Variants in ADGRL3 observed in about 807,000 individuals in gnomAD.
The protein encoded by ADGRL3 is calcium-independent alpha-latrotoxin receptor 3.
In ADGRL3, 62 loss-of-function variants were observed where a neutral mutation model predicts 153.5. The ratio of observed to expected loss-of-function variants is 0.40; its 90% CI spans 0.33 to 0.50. The LOEUF (loss-of-function observed/expected upper bound fraction) is 0.50, where lower values mean the gene tolerates loss of function less well. ADGRL3 is among the 20% of genes least tolerant of loss of function. The probability of loss-of-function intolerance (pLI) is 0.47; values close to 1 mark genes in which losing one functional copy is unlikely to be tolerated. For synonymous variants in ADGRL3, 710 were observed against 672.5 expected (o/e 1.06, Z -0.86); for missense variants, 1,641 against 1,859.4 (o/e 0.88, Z 2.16).
chr4:61,936,783 C>CACACACACAT (rs1174980370), intron 15 of ADGRL3, among the ~76,000 whole-genome samples: 1 of 134,534 alleles, frequency 7.4e-6, no homozygotes, highest in African/African-American at 2.6e-5. Flanking sequence ...CATATGCATA[C>CACACACACAT]ACACACACAC....
chr4:61,742,275 C>T (rs116822148), intron 8 of ADGRL3, among the ~76,000 whole-genome samples: 1 of 151,826 alleles, frequency 6.6e-6, no homozygotes, highest in Non-Finnish European at 1.5e-5. Flanking sequence ...TACTCTTCTT[C>T]TTCTTATTAT....
intron 17 of ADGRL3, among the ~76,000 whole-genome samples, chr4:61,955,581 T>C (rs1034222025): frequency 2.0e-4 from 31 of 152,094 alleles, no homozygotes; most frequent in African/African-American, 7.5e-4. Context: ...TATTATTTAT[T>C]TTACTTTAAG....
intron 1 of ADGRL3, among the ~76,000 whole-genome samples, chr4:61,285,581 A>C (rs977228269): frequency 4.0e-5 from 6 of 151,832 alleles, no homozygotes; most frequent in African/African-American, 1.4e-4. Context: ...GCGATTCAAG[A>C]CAGTTAGGCA....
chr4:61,448,981 T>C (rs1053799528), intron 2 of ADGRL3, among the ~76,000 whole-genome samples: 5 of 152,100 alleles, frequency 3.3e-5, no homozygotes, highest in East Asian at 1.9e-4. Flanking sequence ...TGTGGAGATA[T>C]ATGTTTCCTC....
intron 2 of ADGRL3, among the ~76,000 whole-genome samples, chr4:61,458,286 T>C (rs886784204): frequency 1.3e-5 from 2 of 151,430 alleles, no homozygotes; most frequent in Admixed American, 1.3e-4. Flanking sequence ...TTATTTCACC[T>C]ATAATTTATG....
At chr4:61,493,691 T>C (rs1198560090) in intron 2 of ADGRL3, among the ~76,000 whole-genome samples, 2 of 152,196 alleles carry the variant, frequency 1.3e-5, no homozygotes, top group Non-Finnish European at 2.9e-5. Flanking sequence ...GCCTGCCTCA[T>C]GTATCCATGC....
At chr4:61,453,117 G>A (rs182497165) in intron 2 of ADGRL3, among the ~76,000 whole-genome samples, 1 of 152,222 alleles carries the variant, frequency 6.6e-6, no homozygotes, top group African/African-American at 2.4e-5. Context: ...CCTGAAGGTT[G>A]AATGTGAAAC....
At chr4:61,950,662 G>A (rs2098943594) in intron 17 of ADGRL3, among the ~76,000 whole-genome samples, 2 of 152,222 alleles carry the variant, frequency 1.3e-5, no homozygotes, top group Non-Finnish European at 2.9e-5. Flanking sequence ...AGAACAAAAA[G>A]AGGGTTGGAG....
intron 17 of ADGRL3, among the ~76,000 whole-genome samples, chr4:61,969,936 C>A (rs1265713433): frequency 1.3e-5 from 2 of 152,170 alleles, no homozygotes; most frequent in African/African-American, 4.8e-5. Context: ...CTGCATCCAT[C>A]TCTGAAATCT....
At chr4:61,264,141 C>T (rs1258533136) in intron 1 of ADGRL3, among the ~76,000 whole-genome samples, 1 of 151,956 alleles carries the variant, frequency 6.6e-6, no homozygotes, top group African/African-American at 2.4e-5. Context: ...AGCCTAATAA[C>T]AAGTATTGCT....
chr4:61,346,781 CAAA>C (rs748059859), intron 1 of ADGRL3, among the ~76,000 whole-genome samples: 9 of 44,744 alleles, frequency 2.0e-4, no homozygotes, highest in Admixed American at 2.4e-4. Flanking sequence ...AGACCTGTCT[CAAA>C]AAAAAAAAAA....
intron 5 of ADGRL3, among the ~76,000 whole-genome samples, chr4:61,622,893 A>C (rs551113337): frequency 6.6e-6 from 1 of 152,278 alleles, no homozygotes; most frequent in African/African-American, 2.4e-5. Context: ...TCATATCATA[A>C]AGAAACTATT....
chr4:61,234,423 A>G (rs993275181), intron 1 of ADGRL3, among the ~76,000 whole-genome samples: 3 of 152,244 alleles, frequency 2.0e-5, no homozygotes, highest in African/African-American at 7.2e-5. Flanking sequence ...CCCTCCCACA[A>G]CATGTGGGAA....
At chr4:61,884,230 A>G (rs2098524522) in intron 9 of ADGRL3, among the ~76,000 whole-genome samples, 2 of 152,204 alleles carry the variant, frequency 1.3e-5, no homozygotes, top group South Asian at 4.1e-4. Flanking sequence ...TTATCGGTTC[A>G]TCAGAAAATA....
At chr4:61,810,593 A>C (rs2097602716) in intron 8 of ADGRL3, among the ~76,000 whole-genome samples, 1 of 152,166 alleles carries the variant, frequency 6.6e-6, no homozygotes, top group Non-Finnish European at 1.5e-5. Context: ...TCTCAATAAA[A>C]TAGAAATTAA....
At chr4:61,885,066 C>T (rs1389047912) in intron 9 of ADGRL3, among the ~76,000 whole-genome samples, 1 of 151,856 alleles carries the variant, frequency 6.6e-6, no homozygotes, top group East Asian at 2.0e-4. Flanking sequence ...CACTTGAGGT[C>T]AGGAGTTCAA....
intron 1 of ADGRL3, among the ~76,000 whole-genome samples, chr4:61,274,459 G>C (rs12505990): frequency 6.6e-6 from 1 of 151,938 alleles, no homozygotes; most frequent in Admixed American, 6.6e-5. Context: ...ATTTCCATGA[G>C]AGCAGGATTA....
intron 9 of ADGRL3, among the ~76,000 whole-genome samples, chr4:61,886,670 C>G (rs939719817): frequency 6.0e-5 from 9 of 151,106 alleles, no homozygotes; most frequent in Non-Finnish European, 3.0e-5. Flanking sequence ...GTGACAGAGT[C>G]TCACTCTGTC....
intron 1 of ADGRL3, among the ~76,000 whole-genome samples, chr4:61,308,933 T>G (rs2150483406): frequency 6.6e-6 from 1 of 152,302 alleles, no homozygotes; most frequent in East Asian, 1.9e-4. Context: ...TATATGATAC[T>G]ATTTGGCCAC....
Sources: allele counts gnomAD v4.1 joint callset (sites outside exome capture counted in the v4.1 genomes callset), GRCh38; gene constraint gnomAD v4.1.1; transcripts MANE v1.5; gene names NCBI Gene and HGNC (gene_info 2026-07-23, HGNC 2026-07-21).